Variants in EIF2AK4 observed in about 807,000 individuals in gnomAD.
EIF2AK4 encodes the protein eukaryotic translation initiation factor 2 alpha kinase 4.
In EIF2AK4, 139 loss-of-function variants were observed where a neutral mutation model predicts 211.1. The observed-to-expected ratio is 0.66, with a 90% confidence interval of 0.57 to 0.76. EIF2AK4 has a LOEUF of 0.76. Ranked by LOEUF, EIF2AK4 falls within the 30% of genes least tolerant of loss-of-function variation. The probability of loss-of-function intolerance (pLI) is 0.00; values close to 1 mark genes in which losing one functional copy is unlikely to be tolerated. For synonymous variants in EIF2AK4, 710 were observed against 751.3 expected, an observed-to-expected ratio of 0.94 and a Z score of 0.90; for missense variants, 1,664 against 2,043.8, an observed-to-expected ratio of 0.81 and a Z score of 3.58.
intron 11 of EIF2AK4, 123 bp downstream of exon 11, chr15:39,973,872 C>T: frequency 9.3e-7 from 1 of 1,075,932 alleles, no homozygotes; most frequent in Non-Finnish European, 1.3e-6. Context: ...CTGTTGGATA[C>T]TATGCTCATC....
intron 26 of EIF2AK4, 124 bp from the exon 27 acceptor site, chr15:40,011,157 C>T (rs1215992962): frequency 2.3e-5 from 16 of 707,472 alleles, no homozygotes; most frequent in Non-Finnish European, 3.6e-5. Context: ...TTCAATCTAT[C>T]CTGTACCATT....
At chr15:40,014,078 C>T (rs1256383248) in intron 27 of EIF2AK4, among the ~76,000 whole-genome samples, 2 of 152,230 alleles carry the variant, frequency 1.3e-5, no homozygotes, top group African/African-American at 2.4e-5. Flanking sequence ...GTCTAGAATC[C>T]AGCAGGGCAG....
Position 39,990,480 on chromosome 15 carries a change from G to A in EIF2AK4, c.2631+103G>A, listed in dbSNP as rs537615652. ...AATAGTGCGTTCACAGAACTATGCC[G>A]TCTAATCCTCAGGAGATTATACAAA... is the stretch of plus-strand genomic sequence containing the variant. On this transcript the variant is annotated intron_variant, in intron 16 of 38. Coordinates refer to ENST00000263791, the MANE Select transcript of EIF2AK4 (RefSeq NM_001013703.4). 63 of 973,302 alleles carry A rather than the reference G, an allele frequency of 6.5e-5. No individual in the cohort carries two copies. The East Asian group carries it at 1.2e-3, about 18-fold the overall frequency. 60.3% of individuals were successfully genotyped at this position (973,302 alleles called of 1,614,324 possible).
chr15:39,967,630 C>T lies in EIF2AK4; in HGVS notation c.1304C>T (p.Ala435Val). ...VLSASNVLVD[A>V]EGTVKITDYS... is the part of the protein sequence containing the mutation. ...AGTGCATCTAATGTCTTGGTGGATGCAGAAGGCACCGTCAAGATTACGGAC... is the reference window on the plus strand; with the variant it reads ...AGTGCATCTAATGTCTTGGTGGATGTAGAAGGCACCGTCAAGATTACGGAC... The change falls in exon 9 of 39, where the codon GCA becomes GTA. Residue 435 changes from alanine to valine, a missense_variant. Physicochemically the swap from Ala to Val is moderately conservative, Grantham distance 64. Coordinates refer to ENST00000263791, the MANE Select transcript of EIF2AK4 (RefSeq NM_001013703.4). 1 of 1,614,102 alleles carries T rather than the reference C, an allele frequency of 6.2e-7. No homozygotes were observed. Among genetic ancestry groups the T allele is most frequent in the South Asian group, 1.1e-5 (1 of 91,070 alleles).
intron 13 of EIF2AK4, among the ~76,000 whole-genome samples, chr15:39,983,396 GT>G (rs972921170): frequency 1.3e-5 from 2 of 150,098 alleles, no homozygotes; most frequent in Admixed American, 6.6e-5. Flanking sequence ...TGATGGAGTT[GT>G]TTTTTTCTTG....
chr15:40,007,708 A>G (rs1205911843), intron 24 of EIF2AK4, among the ~76,000 whole-genome samples: 9 of 152,222 alleles, frequency 5.9e-5, no homozygotes, highest in Non-Finnish European at 8.8e-5. Flanking sequence ...CAAGTGAATA[A>G]TTAATAATCG....
In EIF2AK4 at chr15:39,972,905, G is replaced by A. The variant is rs771179993; in HGVS notation, c.1554-3G>A. 4.4e-5 allele frequency: 71 copies of A among 1,612,854 alleles called. No homozygotes were observed. The East Asian group carries it at 6.2e-4, about 14-fold the overall frequency. On this transcript the variant is annotated splice_polypyrimidine_tract_variant and splice_region_variant and intron_variant, in intron 9 of 38. Transcript: ENST00000263791. ...CTAAGATTCTTCCTTCCCTCTCACC[G>A]AGATGTGTGTGCTTGGATGACAAGG...
At chr15:39,988,830 A>G (rs2034902430) in intron 15 of EIF2AK4, among the ~76,000 whole-genome samples, 1 of 152,128 alleles carries the variant, frequency 6.6e-6, no homozygotes, top group African/African-American at 2.4e-5. Context: ...GTGAAACCCC[A>G]TCTCTACTAA....
intron 13 of EIF2AK4, among the ~76,000 whole-genome samples, chr15:39,979,909 A>C (rs1281159987): frequency 1.3e-5 from 2 of 152,220 alleles, no homozygotes; most frequent in African/African-American, 4.8e-5. Context: ...TGTGCATACA[A>C]GCAAAAAGAA....
intron 20 of EIF2AK4, among the ~76,000 whole-genome samples, chr15:39,999,151 G>A (rs1209715031): frequency 3.9e-5 from 6 of 151,956 alleles, no homozygotes; most frequent in African/African-American, 1.5e-4. Context: ...CTGTAATTTT[G>A]TTCTGTTTTG....
intron 32 of EIF2AK4, 105 bp downstream of exon 32, chr15:40,022,710 C>G (rs1274025330): frequency 2.2e-6 from 2 of 906,056 alleles, no homozygotes; most frequent in Non-Finnish European, 3.4e-6. Context: ...GAAATCCGTT[C>G]CCTCTACTCT....
chr15:39,943,911 C>T (rs1366683189), intron 3 of EIF2AK4, among the ~76,000 whole-genome samples: 1 of 152,026 alleles, frequency 6.6e-6, no homozygotes, highest in Non-Finnish European at 1.5e-5. Context: ...GCTATGATCA[C>T]ACCCCTTCAC....
intron 8 of EIF2AK4, among the ~76,000 whole-genome samples, chr15:39,966,129 G>C (rs1378472294): frequency 2.6e-5 from 4 of 152,134 alleles, no homozygotes; most frequent in Admixed American, 6.5e-5. Context: ...CTAAATACTA[G>C]TTCATAATTG....
intron 32 of EIF2AK4, among the ~76,000 whole-genome samples, chr15:40,022,855 T>A (rs1037206470): frequency 1.3e-5 from 2 of 152,066 alleles, no homozygotes; most frequent in Admixed American, 6.5e-5. Flanking sequence ...TGCCTCAGCC[T>A]CCCCGGTAGC....
Position 40,000,838 on chromosome 15 carries a change from T to C in EIF2AK4, c.2923-150T>C. On this transcript the variant is annotated intron_variant, in intron 20 of 38. Transcript: ENST00000263791. Reference sequence around the variant, plus strand: ...TGTGGTCATAATAAAGCAGAAAAAATAATGACCTATTCAGAAATTTCAGAA... The same window carrying C: ...TGTGGTCATAATAAAGCAGAAAAAACAATGACCTATTCAGAAATTTCAGAA... 24 of 370,958 alleles carry C rather than the reference T, an allele frequency of 6.5e-5. 5 individuals are homozygous for C. The highest frequency in any genetic ancestry group is 2.8e-4 in the South Asian group (7 of 24,738). The allele number at this position is 370,958 out of a possible 1,614,324, so 23.0% of individuals were successfully genotyped here. A position where few individuals can be genotyped will look rare whatever the true frequency, so the allele number is the denominator to read the frequency against.
intron 21 of EIF2AK4, 136 bp from the exon 22 acceptor site, chr15:40,002,577 G>T: frequency 1.2e-6 from 1 of 837,420 alleles, no homozygotes; most frequent in Non-Finnish European, 2.0e-6. Flanking sequence ...TGTTCAAAGA[G>T]GGATGGACTT....
rs17848498 is a variant in EIF2AK4, at chr15:40,026,055, C to G, written c.4468C>G (p.Leu1490Val). ...TELVDHVLQK[L>V]RTKVTDERNG... ...ACTTGTGGACCATGTACTGCAGAAA[C>G]TGAGGACTAAAGTCACTGATGAAAG... The change falls in exon 33 of 39, where the codon CTG becomes GTG. Residue 1490 changes from leucine (L) to valine (V), a missense_variant. Coordinates refer to ENST00000263791, the MANE Select transcript of EIF2AK4 (RefSeq NM_001013703.4). 1 of 1,614,034 alleles carries G rather than the reference C, an allele frequency of 6.2e-7. No homozygotes were observed. The highest frequency in any genetic ancestry group is 8.5e-7 in the Non-Finnish European group (1 of 1,180,030).
intron 21 of EIF2AK4, 24 bp from the exon 22 acceptor site, chr15:40,002,689 A>G (rs745647060): frequency 6.2e-7 from 1 of 1,612,762 alleles, no homozygotes; most frequent in Non-Finnish European, 8.5e-7. Flanking sequence ...TTCAATGATG[A>G]TGTTTTAATC....
Position 39,976,851 on chromosome 15 carries a change from G to T in EIF2AK4, c.2249+7G>T, listed in dbSNP as rs34298786. Reference sequence around the variant, plus strand: ...TCTTCTCCCAGTCCTTCCTGTAAGCGCACGGCGCGGACCAGCTGCCTCTGA... The same window carrying T: ...TCTTCTCCCAGTCCTTCCTGTAAGCTCACGGCGCGGACCAGCTGCCTCTGA... On this transcript the variant is annotated splice_region_variant and intron_variant, in intron 12 of 38. Transcript: ENST00000263791. 9 of 1,498,296 alleles carry T rather than the reference G, an allele frequency of 6.0e-6. No individual in the cohort carries two copies. The highest frequency in any genetic ancestry group is 6.2e-6 in the Non-Finnish European group (7 of 1,126,340). 92.8% of individuals were successfully genotyped at this position (1,498,296 alleles called of 1,614,324 possible).
Sources: allele counts gnomAD v4.1 joint callset (sites outside exome capture counted in the v4.1 genomes callset), GRCh38; gene constraint gnomAD v4.1.1; transcripts MANE v1.5; gene names NCBI Gene and HGNC (gene_info 2026-07-23, HGNC 2026-07-21).